Variants in NOS1AP observed in about 807,000 individuals in gnomAD.
The protein encoded by NOS1AP is nitric oxide synthase 1 adaptor protein.
Under a neutral mutation model 56.2 loss-of-function variants are expected in NOS1AP, and 21 were observed. That is an observed-to-expected ratio of 0.37 (90% CI 0.26 to 0.54). The LOEUF is 0.54. Among genes scored for constraint, NOS1AP ranks in the 20% least tolerant of loss-of-function variants. The pLI, the probability that NOS1AP is intolerant of heterozygous loss-of-function variation, is 0.84. For missense variants in NOS1AP, 522 were observed against 657.8 expected (o/e 0.79, Z 2.26); for synonymous variants, 270 against 274.6 (o/e 0.98, Z 0.17).
chr1:162,226,334 T>C (rs1652940516), intron 2 of NOS1AP, among the ~76,000 whole-genome samples: 1 of 152,182 alleles, frequency 6.6e-6, no homozygotes, highest in Non-Finnish European at 1.5e-5. Flanking sequence ...TGCTAGGCCC[T>C]GGGGATTTAG....
chr1:162,239,729 A>T (rs923769295), intron 2 of NOS1AP, among the ~76,000 whole-genome samples: 2 of 152,188 alleles, frequency 1.3e-5, no homozygotes, highest in Admixed American at 1.3e-4. Context: ...AACAGAGGCC[A>T]CTGTGAAGGA....
At chr1:162,270,726 T>A (rs1420554248) in intron 2 of NOS1AP, among the ~76,000 whole-genome samples, 5 of 152,250 alleles carry the variant, frequency 3.3e-5, no homozygotes, top group African/African-American at 1.2e-4. Context: ...TAGTATTTTA[T>A]ATAGGTCAGT....
At chr1:162,166,924 G>C (rs150938901) in intron 2 of NOS1AP, among the ~76,000 whole-genome samples, 1 of 152,102 alleles carries the variant, frequency 6.6e-6, no homozygotes, top group Non-Finnish European at 1.5e-5. Flanking sequence ...GAAGCTCCTC[G>C]CCTACTAATG....
At chr1:162,248,516 A>G (rs1349473685) in intron 2 of NOS1AP, among the ~76,000 whole-genome samples, 1 of 152,236 alleles carries the variant, frequency 6.6e-6, no homozygotes, top group East Asian at 1.9e-4. Context: ...AGGAAAAATC[A>G]GAAGGACTTC....
chr1:162,263,999 C>T (rs1407612196), intron 2 of NOS1AP, among the ~76,000 whole-genome samples: 1 of 152,176 alleles, frequency 6.6e-6, no homozygotes, highest in Non-Finnish European at 1.5e-5. Context: ...CTGCTCTCTC[C>T]GTCTCCAGCC....
intron 2 of NOS1AP, among the ~76,000 whole-genome samples, chr1:162,204,358 T>C (rs907942833): frequency 1.1e-4 from 16 of 152,246 alleles, no homozygotes; most frequent in African/African-American, 3.9e-4. Flanking sequence ...TACATGTCAC[T>C]TCTTCCTATT....
At chr1:162,275,832 T>C (rs10919039) in intron 2 of NOS1AP, among the ~76,000 whole-genome samples, 28,088 of 152,184 alleles carry the variant, frequency 0.18, 2,932 homozygotes, top group East Asian at 0.43. Flanking sequence ...TCCTGCACTC[T>C]GGATGTCACA....
chr1:162,244,906 A>G (rs1010694480), intron 2 of NOS1AP, among the ~76,000 whole-genome samples: 1 of 152,184 alleles, frequency 6.6e-6, no homozygotes, highest in Non-Finnish European at 1.5e-5. Context: ...GGCATGCATG[A>G]GTATACATGC....
At chr1:162,130,411 A>G (rs1382038058) in intron 1 of NOS1AP, among the ~76,000 whole-genome samples, 1 of 152,182 alleles carries the variant, frequency 6.6e-6, no homozygotes, top group Non-Finnish European at 1.5e-5. Flanking sequence ...CCTAGTGGAT[A>G]CTTACTGGTT....
At chr1:162,250,449 G>A (rs1409462789) in intron 2 of NOS1AP, among the ~76,000 whole-genome samples, 1 of 152,214 alleles carries the variant, frequency 6.6e-6, no homozygotes, top group Non-Finnish European at 1.5e-5. Context: ...AGCAGCAGAA[G>A]CAGGCGAATC....
intron 2 of NOS1AP, among the ~76,000 whole-genome samples, chr1:162,180,870 A>G (rs1375639761): frequency 6.6e-6 from 1 of 152,210 alleles, no homozygotes; most frequent in African/African-American, 2.4e-5. Context: ...GGGAGATACT[A>G]AATGTGTGTT....
At chr1:162,286,611 A>G (rs996962621) in intron 2 of NOS1AP, among the ~76,000 whole-genome samples, 1 of 152,260 alleles carries the variant, frequency 6.6e-6, no homozygotes, top group Non-Finnish European at 1.5e-5. Context: ...GATGACGCCA[A>G]CATCCATCAG....
chr1:162,167,862 T>C (rs1189111388), intron 2 of NOS1AP, among the ~76,000 whole-genome samples: 1 of 152,164 alleles, frequency 6.6e-6, no homozygotes, highest in African/African-American at 2.4e-5. Flanking sequence ...TATTTTAAAA[T>C]TTGACTTGTT....
chr1:162,201,773 C>T (rs549540060), intron 2 of NOS1AP, among the ~76,000 whole-genome samples: 3 of 152,152 alleles, frequency 2.0e-5, no homozygotes, highest in Non-Finnish European at 4.4e-5. Flanking sequence ...TGTTCATGTC[C>T]TTTGCCCACT....
chr1:162,229,407 C>T (rs1653048012), intron 2 of NOS1AP, among the ~76,000 whole-genome samples: 1 of 152,000 alleles, frequency 6.6e-6, no homozygotes, highest in South Asian at 2.1e-4. Flanking sequence ...TTTCCTATGG[C>T]CAATTAGGGT....
At chr1:162,306,218 C>T (rs892143140) in intron 4 of NOS1AP, among the ~76,000 whole-genome samples, 16 of 152,178 alleles carry the variant, frequency 1.1e-4, no homozygotes, top group African/African-American at 3.6e-4. Flanking sequence ...GTGCAGAAGT[C>T]TCCGGAAGGC....
chr1:162,297,848 A>C (rs1655520147), intron 3 of NOS1AP, among the ~76,000 whole-genome samples: 1 of 152,232 alleles, frequency 6.6e-6, no homozygotes, highest in Admixed American at 6.5e-5. Flanking sequence ...GAAGATTTTG[A>C]GAGGTGGAGA....
At chr1:162,247,553 T>G (rs982513024) in intron 2 of NOS1AP, among the ~76,000 whole-genome samples, 6 of 152,196 alleles carry the variant, frequency 3.9e-5, no homozygotes, top group Non-Finnish European at 8.8e-5. Context: ...CTGAAAGATA[T>G]GGAAGAGACT....
intron 2 of NOS1AP, among the ~76,000 whole-genome samples, chr1:162,175,077 A>G (rs1262467611): frequency 6.6e-6 from 1 of 152,026 alleles, no homozygotes; most frequent in Non-Finnish European, 1.5e-5. Context: ...ATCACTGTTG[A>G]TGTTAACCTT....
Sources: allele counts gnomAD v4.1 joint callset (sites outside exome capture counted in the v4.1 genomes callset), GRCh38; gene constraint gnomAD v4.1.1; transcripts MANE v1.5; gene names NCBI Gene and HGNC (gene_info 2026-07-23, HGNC 2026-07-21).